Variants in GRB10 observed in about 807,000 individuals in gnomAD.
The protein encoded by GRB10 is growth factor receptor-bound protein 10.
GRB10 carries 20 observed loss-of-function variants against 80.9 expected under a neutral mutation model. The observed-to-expected ratio is 0.25, with a 90% CI of 0.17 to 0.36. The LOEUF (loss-of-function observed/expected upper bound fraction) is 0.36, where lower values mean the gene tolerates loss of function less well. Ranked by LOEUF, GRB10 falls within the 10% of genes least tolerant of loss-of-function variation. The pLI is 1.00. For missense variants in GRB10, 548 were observed against 747.7 expected, an observed-to-expected ratio of 0.73 and a Z score of 3.12; for synonymous variants, 291 against 291.5, an observed-to-expected ratio of 1.00 and a Z score of 0.02.
At chr7:50,703,478 G>A (rs975496232) in intron 5 of GRB10, among the ~76,000 whole-genome samples, 1 of 152,100 alleles carries the variant, frequency 6.6e-6, no homozygotes, top group Admixed American at 6.5e-5. Context: ...ACCCAAAACC[G>A]TCTTAATTGG....
At chr7:50,701,755 A>G (rs1038721583) in intron 5 of GRB10, among the ~76,000 whole-genome samples, 5 of 152,184 alleles carry the variant, frequency 3.3e-5, no homozygotes, top group African/African-American at 1.2e-4. Context: ...TGCACTTGGG[A>G]GTACACTGCA....
At position 50,763,088 on chromosome 7, in the gene GRB10, A is replaced by G. The variant is rs1376561774; in HGVS notation, c.-216-7032T>C. Among the ~76,000 whole-genome samples, 10 of 150,620 alleles carry G rather than the reference A, an allele frequency of 6.6e-5. No homozygotes were observed. The East Asian group carries it at 9.8e-4, about 15-fold the overall frequency. ...AGCCGAGATCGTGCCACTGCACTCC[A>G]CTCTGGGCGACAGAGCAAGACTCCG... is the stretch of plus-strand genomic sequence containing the variant. On this transcript the variant is annotated intron_variant, in intron 2 of 18. Transcript: ENST00000401949.
At chr7:50,617,491 T>G (rs1010032134) in intron 10 of GRB10, among the ~76,000 whole-genome samples, 1 of 152,188 alleles carries the variant, frequency 6.6e-6, no homozygotes, top group African/African-American at 2.4e-5. Flanking sequence ...GTGTGAGAGC[T>G]GGGCACAGAG....
intron 5 of GRB10, among the ~76,000 whole-genome samples, chr7:50,680,380 G>A (rs1166344045): frequency 1.3e-5 from 2 of 152,084 alleles, no homozygotes; most frequent in Non-Finnish European, 2.9e-5. Flanking sequence ...AAAAGACAAG[G>A]GGAACCACCA....
At chr7:50,685,451 G>A (rs948403842) in intron 5 of GRB10, among the ~76,000 whole-genome samples, 3 of 152,200 alleles carry the variant, frequency 2.0e-5, no homozygotes, top group Non-Finnish European at 4.4e-5. Context: ...GTAGGAAAGA[G>A]TGGGCACCCA....
chr7:50,754,984 C>T lies in GRB10; in HGVS notation c.-47+903G>A, dbSNP rs575695018. ...GAGGGAAGAGCAGGTGAGGACACCG[C>T]GAGAAAACAGCCATGTGCAAGCCCA... On this transcript the variant is annotated intron_variant, in intron 3 of 18. Coordinates refer to ENST00000401949, the MANE Select transcript of GRB10 (RefSeq NM_001350814.2). 1.2e-4 allele frequency among the ~76,000 whole-genome samples: 19 copies of T among 152,274 alleles called. No individual in the cohort carries two copies. The East Asian group carries it at 1.7e-3, about 14-fold the overall frequency.
intron 15 of GRB10, 195 bp downstream of exon 15, chr7:50,605,095 C>A (rs535388920): frequency 5.0e-6 from 3 of 605,014 alleles, no homozygotes; most frequent in Non-Finnish European, 8.8e-6. Flanking sequence ...CAGGGGACAG[C>A]GGGGAAAGGC....
At chr7:50,711,017 T>C in intron 4 of GRB10, 3 of 879,822 alleles carry the variant, frequency 3.4e-6, no homozygotes, top group Non-Finnish European at 5.8e-6. Context: ...AAGGCACACT[T>C]AATAACTCCA....
intron 5 of GRB10, among the ~76,000 whole-genome samples, chr7:50,697,311 T>C (rs1563487796): frequency 6.6e-6 from 1 of 152,220 alleles, no homozygotes; most frequent in African/African-American, 2.4e-5. Context: ...TATATATTTT[T>C]AATAAAGAAA....
intron 1 of GRB10, among the ~76,000 whole-genome samples, chr7:50,789,278 C>T (rs1406959764): frequency 6.6e-6 from 1 of 152,192 alleles, no homozygotes; most frequent in Non-Finnish European, 1.5e-5. Flanking sequence ...TAATAGCAAG[C>T]AGGATATCAA....
At chr7:50,652,042 G>A (rs1586375152) in intron 7 of GRB10, among the ~76,000 whole-genome samples, 2 of 152,190 alleles carry the variant, frequency 1.3e-5, no homozygotes, top group Admixed American at 1.3e-4. Context: ...ACTTGGAAGG[G>A]CCCTGATCTA....
chr7:50,628,712 G>A (rs887789014), intron 7 of GRB10, among the ~76,000 whole-genome samples: 7 of 152,092 alleles, frequency 4.6e-5, no homozygotes, highest in Non-Finnish European at 2.9e-5. Flanking sequence ...TGCCACCTAC[G>A]GGCCACTTCT....
chr7:50,702,597 G>A (rs997412574), intron 5 of GRB10, among the ~76,000 whole-genome samples: 4 of 152,202 alleles, frequency 2.6e-5, no homozygotes, highest in African/African-American at 2.4e-5. Context: ...ACATAGTGAC[G>A]TGTTCATCCA....
chr7:50,696,500 C>A (rs1031835100), intron 5 of GRB10, among the ~76,000 whole-genome samples: 9 of 152,198 alleles, frequency 5.9e-5, no homozygotes, highest in Non-Finnish European at 1.3e-4. Flanking sequence ...CAGGCTGTTA[C>A]CACTGCACCA....
At chr7:50,606,239 C>T (rs1162009703) in intron 14 of GRB10, 98 bp downstream of exon 14, 2 of 978,154 alleles carry the variant, frequency 2.0e-6, no homozygotes, top group East Asian at 2.4e-5. Flanking sequence ...CTCTCCAGAG[C>T]TTCTCTTGCC....
rs77457942 is a variant in GRB10 at position 50,741,659 on chromosome 7, A to T, written c.-46-9291T>A. On this transcript the variant is annotated intron_variant, in intron 3 of 18. Transcript: ENST00000401949. ...ATAAAGATACAATACAGTCCTAGAC[A>T]ATTAGGACAATGCACACCCCCATGT... Among the ~76,000 whole-genome samples, 258 of 152,288 alleles carry T rather than the reference A, an allele frequency of 1.7e-3. 3 individuals are homozygous for T. Among genetic ancestry groups the T allele is most frequent in the African/African-American group, 6.1e-3 (253 of 41,570 alleles).
At chr7:50,644,742 A>G (rs1410823968) in intron 7 of GRB10, among the ~76,000 whole-genome samples, 1 of 152,168 alleles carries the variant, frequency 6.6e-6, no homozygotes, top group Admixed American at 6.5e-5. Flanking sequence ...GCCTCTACAC[A>G]GCCCACTGGG....
At chr7:50,707,885 G>A (rs1367999476) in intron 4 of GRB10, among the ~76,000 whole-genome samples, 1 of 152,058 alleles carries the variant, frequency 6.6e-6, no homozygotes, top group Non-Finnish European at 1.5e-5. Context: ...TGACTGCTTT[G>A]CCCGAGACCT....
chr7:50,678,036 G>A (rs964207159), intron 5 of GRB10, among the ~76,000 whole-genome samples: 1 of 152,160 alleles, frequency 6.6e-6, no homozygotes, highest in Non-Finnish European at 1.5e-5. Context: ...TTCATGTGCA[G>A]TTATTTCTCT....
Sources: allele counts gnomAD v4.1 joint callset (sites outside exome capture counted in the v4.1 genomes callset), GRCh38; gene constraint gnomAD v4.1.1; transcripts MANE v1.5; gene names NCBI Gene and HGNC (gene_info 2026-07-23, HGNC 2026-07-21).